The following POLA1 variants were observed in gnomAD, a reference collection of about 807,000 sequenced individuals.
POLA1 encodes DNA polymerase alpha catalytic subunit.
POLA1 carries 15 observed loss-of-function variants against 124.0 expected under a neutral mutation model. That is an observed-to-expected ratio of 0.12 (90% CI 0.08 to 0.19). POLA1 has a LOEUF of 0.19. Among genes scored for constraint, POLA1 ranks in the 10% least tolerant of loss-of-function variants. The pLI, the probability that POLA1 is intolerant of heterozygous loss-of-function variation, is 1.00. For missense variants in POLA1, 886 were observed against 1,103.4 expected, an observed-to-expected ratio of 0.80 and a Z score of 2.79; for synonymous variants, 408 against 389.4, an observed-to-expected ratio of 1.05 and a Z score of -0.56.
chrX:24,721,443 C>T (rs1345371382), intron 10 of POLA1, among the ~76,000 whole-genome samples: 1 of 112,296 alleles, frequency 8.9e-6, no homozygotes, highest in African/African-American at 3.2e-5. Context: ...CCTTTAATCT[C>T]AGAGTGTTGA....
At chrX:24,822,042 A>G (rs1464121007) in intron 31 of POLA1, among the ~76,000 whole-genome samples, 2 of 110,029 alleles carry the variant, frequency 1.8e-5, no homozygotes, top group African/African-American at 3.3e-5. Flanking sequence ...CAATTCAACC[A>G]GTTTTTTTTT....
intron 30 of POLA1, among the ~76,000 whole-genome samples, chrX:24,820,861 A>T (rs764218850): frequency 4.9e-4 from 55 of 111,550 alleles, no homozygotes; most frequent in Admixed American, 7.6e-4. Context: ...TTTATTCCGC[A>T]AATATTTGGC....
intron 36 of POLA1, among the ~76,000 whole-genome samples, chrX:24,934,239 C>A (rs1413912670): frequency 8.9e-6 from 1 of 112,255 alleles, no homozygotes; most frequent in Non-Finnish European, 1.9e-5. Flanking sequence ...CTCAACTGAA[C>A]CTTTGTTGTT....
In POLA1 at chrX:24,905,889, A is replaced by G. The variant is rs780782827; in HGVS notation, c.4164+17767A>G. ...ACACTTTTTAAATGAATGGAAAAAT[A>G]GAAAATCTCAACAAAGAAATGGAAC... On this transcript the variant is annotated intron_variant, in intron 35 of 36. Transcript: ENST00000379068. Among the ~76,000 whole-genome samples the G allele has an allele frequency of 5.1e-3, 569 of 112,351 alleles. 2 individuals carry two copies. The highest frequency in any genetic ancestry group is 8.3e-3 in the Non-Finnish European group (440 of 53,261).
chrX:24,963,538 T>A (rs1040515418), intron 36 of POLA1, among the ~76,000 whole-genome samples: 3 of 111,829 alleles, frequency 2.7e-5, no homozygotes, highest in Non-Finnish European at 5.6e-5. Context: ...GGACAAAAAC[T>A]CATTTTTCAG....
chrX:24,699,585 C>T (rs1255657813), intron 2 of POLA1, 36 bp downstream of exon 2: 2 of 1,069,543 alleles, frequency 1.9e-6, no homozygotes, highest in Non-Finnish European at 2.5e-6. Context: ...TCTTCCTGTG[C>T]ATCATCTAAT....
intron 36 of POLA1, among the ~76,000 whole-genome samples, chrX:24,976,814 A>G (rs1258725420): frequency 8.9e-6 from 1 of 112,171 alleles, no homozygotes; most frequent in Non-Finnish European, 1.9e-5. Context: ...TGCTGTTTTC[A>G]GTATTCACCT....
chrX:24,893,653 C>A (rs1451804648), intron 35 of POLA1, among the ~76,000 whole-genome samples: 1 of 111,864 alleles, frequency 8.9e-6, no homozygotes. Context: ...CGATATGTAA[C>A]CTTTTGTGTC....
intron 1 of POLA1, among the ~76,000 whole-genome samples, chrX:24,694,616 G>T (rs1375077344): frequency 1.8e-5 from 2 of 112,224 alleles, no homozygotes; most frequent in Non-Finnish European, 3.8e-5. Flanking sequence ...CAAAAAAATG[G>T]CATCAATTTA....
At chrX:24,772,699 A>G in intron 26 of POLA1, among the ~76,000 whole-genome samples, 1 of 111,725 alleles carries the variant, frequency 9.0e-6, no homozygotes, top group Non-Finnish European at 1.9e-5. Context: ...AGCTCCATCC[A>G]TGTTCCTGCA....
chrX:24,716,336 T>C, intron 6 of POLA1, 26 bp from the exon 7 acceptor site: 1 of 821,810 alleles, frequency 1.2e-6, no homozygotes, highest in Non-Finnish European at 1.8e-6. Context: ...AGCATGGCAG[T>C]GAATATGTCT....
chrX:24,946,826 G>A (rs2047967587), intron 36 of POLA1, among the ~76,000 whole-genome samples: 2 of 111,901 alleles, frequency 1.8e-5, no homozygotes, highest in African/African-American at 6.5e-5. Context: ...CTGTAATAGA[G>A]CACTTTCTGA....
intron 36 of POLA1, among the ~76,000 whole-genome samples, chrX:24,944,510 T>G (rs2047940078): frequency 8.9e-6 from 1 of 111,870 alleles, no homozygotes; most frequent in South Asian, 3.7e-4. Context: ...ATCAGGAAAC[T>G]TTTTTCCTTC....
intron 34 of POLA1, among the ~76,000 whole-genome samples, chrX:24,887,021 G>A (rs2047073818): frequency 9.0e-6 from 1 of 111,448 alleles, no homozygotes; most frequent in African/African-American, 3.3e-5. Context: ...GCAGCATACC[G>A]TGTTCACCTT....
chrX:24,920,510 G>C (rs2047601388), intron 35 of POLA1, among the ~76,000 whole-genome samples: 1 of 111,576 alleles, frequency 9.0e-6, no homozygotes, highest in African/African-American at 3.3e-5. Flanking sequence ...TTGAAAACTG[G>C]CCACAAAAGA....
At chrX:24,821,397 C>T in intron 30 of POLA1, 55 bp from the exon 31 acceptor site, 1 of 1,014,538 alleles carries the variant, frequency 9.9e-7, no homozygotes, top group Non-Finnish European at 1.3e-6. Flanking sequence ...TAGTGTATAT[C>T]TGTGTAAGAA....
chrX:24,799,376 G>A (rs1414944498), intron 26 of POLA1, among the ~76,000 whole-genome samples: 1 of 112,251 alleles, frequency 8.9e-6, no homozygotes, highest in African/African-American at 3.2e-5. Context: ...TCTGCCATTT[G>A]TGGGAGCTGG....
At chrX:24,882,684 GGTGT>G (rs57530564) in intron 34 of POLA1, among the ~76,000 whole-genome samples, 30,197 of 87,279 alleles carry the variant, frequency 0.35, 4,429 homozygotes, top group Non-Finnish European at 0.41. Flanking sequence ...TATATTCCAT[GGTGT>G]GTGTGTGTGT....
In POLA1 at chrX:24,843,598, C is replaced by T; in HGVS notation, c.3968C>T (p.Ala1323Val). ...CGTTGCAGTAACATCGATTGTAAGG[C>T]TTCACCTCTGACCTTTACAGTACAA... Reference protein sequence around the residue: ...LYRCSNIDCKASPLTFTVQLS... With the variant: ...LYRCSNIDCKVSPLTFTVQLS... Residue 1323 changes from alanine (A) to valine (V), a missense_variant, in exon 34 of 37, where the codon GCT becomes GTT. Physicochemically the swap from Ala to Val is moderately conservative, Grantham distance 64 (BLOSUM62 0). This residue lies in a region of POLA1 where 313 missense variants were observed against 359.7 expected (regional missense o/e 0.87). Transcript: ENST00000379068. 8.4e-7 allele frequency: 1 copy of T among 1,186,573 alleles called. No individual in the cohort carries two copies. The highest frequency in any genetic ancestry group is 1.1e-6 in the Non-Finnish European group (1 of 874,749).
Sources: gnomAD v4.1 joint callset for allele counts (sites outside exome capture counted in the v4.1 genomes callset) on GRCh38, gnomAD v4.1.1 for gene constraint, gnomAD v4.1.1 regional missense constraint, MANE v1.5 for transcripts, NCBI Gene and HGNC (gene_info 2026-07-23, HGNC 2026-07-21) for gene names.